Variants in NUP62 observed in about 807,000 individuals in gnomAD.
NUP62 encodes the protein nucleoporin 62, also known as nuclear pore glycoprotein p62.
For synonymous variants in NUP62, 305 were observed against 303.4 expected, an observed-to-expected ratio of 1.01 and a Z score of -0.05; for missense variants, 647 against 689.4, an observed-to-expected ratio of 0.94 and a Z score of 0.69.
intron 2 of NUP62, among the ~76,000 whole-genome samples, chr19:49,914,862 C>T (rs541933412): frequency 3.3e-5 from 5 of 151,250 alleles, no homozygotes; most frequent in South Asian, 2.1e-4. Flanking sequence ...ACCTCAGCCT[C>T]CCGAGTAGCT....
At chr19:49,919,040 C>A (rs2075699167) in intron 2 of NUP62, among the ~76,000 whole-genome samples, 1 of 152,038 alleles carries the variant, frequency 6.6e-6, no homozygotes, top group Non-Finnish European at 1.5e-5. Context: ...GTAATCCCAG[C>A]TACTCGGGAG....
At position 49,921,966 on chromosome 19, in the gene NUP62, C is replaced by T. The variant is rs1026735639; in HGVS notation, c.-78+5728G>A. On this transcript the variant is annotated intron_variant, in intron 2 of 2. Coordinates refer to ENST00000352066, the MANE Select transcript of NUP62 (RefSeq NM_016553.5). This position sits in a 1 kb window ranked among gnomAD's most constrained non-coding sequence, Gnocchi z 5.4. Reference sequence around the variant, plus strand: ...TGCTGCGAGAAAGCAGCCCCGACGGCAGGGCCCTAGGGCCCCAGGCCAGGC... The same window carrying T: ...TGCTGCGAGAAAGCAGCCCCGACGGTAGGGCCCTAGGGCCCCAGGCCAGGC... 3.9e-5 allele frequency among the ~76,000 whole-genome samples: 6 copies of T among 152,202 alleles called. No individual in the cohort carries two copies. Among genetic ancestry groups the T allele is most frequent in the Admixed American group, 6.5e-5 (1 of 15,290 alleles).
rs562135513 is a variant in NUP62 at position 49,915,094 on chromosome 19, C to T, written c.-77-5210G>A. ...AGGAGTCTGTGCCTGGGAAAGAATA[C>T]AGGAGACCTCAGCTTTGGACCAAAA... On this transcript the variant is annotated intron_variant, in intron 2 of 2. Transcript: ENST00000352066. 1.3e-3 allele frequency among the ~76,000 whole-genome samples: 198 copies of T among 152,036 alleles called. 1 individual carries two copies. Among genetic ancestry groups the T allele is most frequent in the African/African-American group, 4.6e-3 (189 of 41,448 alleles).
In NUP62 at chr19:49,921,584, G is replaced by T. The variant is rs1184234946; in HGVS notation, c.-78+6110C>A. Reference sequence around the variant, plus strand: ...ACGTTCCTGCTCTGTGGTAGGTCAGGAAGAAGAGGGCAAAGGAGTCTGCAT... The same window carrying T: ...ACGTTCCTGCTCTGTGGTAGGTCAGTAAGAAGAGGGCAAAGGAGTCTGCAT... On this transcript the variant is annotated intron_variant, in intron 2 of 2. Transcript: ENST00000352066. The surrounding 1 kb of genome is among the most constrained non-coding windows in gnomAD (Gnocchi z 5.4). Among the ~76,000 whole-genome samples the T allele has an allele frequency of 6.6e-6, 1 of 152,226 alleles. No homozygotes were observed. Among genetic ancestry groups the T allele is most frequent in the Non-Finnish European group, 1.5e-5 (1 of 68,040 alleles).
In NUP62 at chr19:49,908,150, T is replaced by C. The variant is rs2075364759; in HGVS notation, c.*89A>G. 6 of 1,548,184 alleles carry C rather than the reference T, an allele frequency of 3.9e-6. No individual in the cohort carries two copies. In the Admixed American group the frequency reaches 1.2e-4, roughly 30 times the overall value. On this transcript the variant is annotated 3_prime_UTR_variant, in exon 3 of 3. Transcript: ENST00000352066. The stretch of plus-strand genomic sequence containing the variant: ...TGAAAGAAAGAAACAAACAAACAAG[T>C]ATCTTGCCACAACCCCAAACTACAG...
chr19:49,926,326 T>A (rs1358500070), intron 2 of NUP62, among the ~76,000 whole-genome samples: 2 of 151,686 alleles, frequency 1.3e-5, no homozygotes, highest in Non-Finnish European at 2.9e-5. Context: ...AGTCAGGAGT[T>A]CAAGACCAGC....
At chr19:49,919,131 C>T (rs1165004316) in intron 2 of NUP62, among the ~76,000 whole-genome samples, 1 of 152,226 alleles carries the variant, frequency 6.6e-6, no homozygotes, top group South Asian at 2.1e-4. Context: ...CCAGCCTGGG[C>T]AACAAGAGTG....
chr19:49,908,282 C>T lies in NUP62; in HGVS notation c.1526G>A (p.Arg509Gln), dbSNP rs1180723639. ...GAAGCTGCGCTCCTGCTCCTTGCGCCGGCCCTCGCACACCTTGGTCACCTC... is the reference window on the plus strand; with the variant it reads ...GAAGCTGCGCTCCTGCTCCTTGCGCTGGCCCTCGCACACCTTGGTCACCTC... ...VEEVTKVCEG[R>Q]RKEQERSFRI... Residue 509 changes from arginine to glutamine, a missense_variant, in exon 3 of 3, where the codon CGG becomes CAG. Coordinates refer to ENST00000352066, the MANE Select transcript of NUP62 (RefSeq NM_016553.5). 10 of 1,613,718 alleles carry T rather than the reference C, an allele frequency of 6.2e-6. No individual in the cohort carries two copies. The highest frequency in any genetic ancestry group is 1.6e-4 in the Middle Eastern group (1 of 6,084).
intron 1 of NUP62, chr19:49,929,036 TCC>T (rs2075989447): frequency 6.6e-6 from 1 of 151,578 alleles, no homozygotes; most frequent in Admixed American, 6.6e-5. Context: ...GGGAGGAGGG[TCC>T]CGGACCCTAG....
intron 2 of NUP62, among the ~76,000 whole-genome samples, chr19:49,919,943 T>G (rs77953462): frequency 5.3e-5 from 8 of 152,302 alleles, no homozygotes; most frequent in African/African-American, 1.9e-4. Context: ...TTTTTTTTTT[T>G]CTAAGACAAG....
chr19:49,909,241 G>A lies in NUP62; in HGVS notation c.567C>T (p.Pro189=), dbSNP rs1046391948. Reference sequence around the variant, plus strand: ...TGGCTGCTGGCGTGGCCGGAGTGAAGGGCAACGTGGCAGGTGCCGTGGGCT... The same window carrying A: ...TGGCTGCTGGCGTGGCCGGAGTGAAAGGCAACGTGGCAGGTGCCGTGGGCT... ...SAQPTAPATL[P]FTPATPAATT... Residue 189 remains proline (P), a synonymous_variant, in exon 3 of 3, where the codon CCC becomes CCT. Coordinates refer to ENST00000352066, the MANE Select transcript of NUP62 (RefSeq NM_016553.5). 8 of 1,614,042 alleles carry A rather than the reference G, an allele frequency of 5.0e-6. No homozygotes were observed. The highest frequency in any genetic ancestry group is 5.1e-6 in the Non-Finnish European group (6 of 1,180,034).
chr19:49,916,599 A>G (rs1166158658), intron 2 of NUP62, among the ~76,000 whole-genome samples: 2 of 151,952 alleles, frequency 1.3e-5, no homozygotes, highest in Non-Finnish European at 2.9e-5. Flanking sequence ...GTCTGCACTA[A>G]AAATACAAAA....
chr19:49,923,835 T>C (rs1195770074), intron 2 of NUP62, among the ~76,000 whole-genome samples: 16 of 152,224 alleles, frequency 1.1e-4, no homozygotes, highest in African/African-American at 3.9e-4. Flanking sequence ...AGGCTGGCTC[T>C]AGGGCCCATG....
At position 49,909,116 on chromosome 19, in the gene NUP62, G is replaced by A. The variant is rs747223621; in HGVS notation, c.692C>T (p.Ser231Leu). 4.3e-6 allele frequency: 7 copies of A among 1,612,556 alleles called. No individual in the cohort carries two copies. Among genetic ancestry groups the A allele is most frequent in the African/African-American group, 1.3e-5 (1 of 75,060 alleles). Residue 231 changes from serine (S) to leucine (L), a missense_variant, in exon 3 of 3, where the codon TCA becomes TTA. Transcript: ENST00000352066. Reference sequence around the variant, plus strand: ...GAGGGAGAGTCCAGTGGTGGCAGATGAGGTTGGAGCAGTTGCTATTGACGC... The same window carrying A: ...GAGGGAGAGTCCAGTGGTGGCAGATAAGGTTGGAGCAGTTGCTATTGACGC... ...LFASIATAPT[S>L]SATTGLSLCT... is the part of the protein sequence containing the mutation.
At chr19:49,910,688 G>T (rs557556759) in intron 2 of NUP62, among the ~76,000 whole-genome samples, 493 of 149,362 alleles carry the variant, frequency 3.3e-3, no homozygotes, top group Middle Eastern at 0.014. Flanking sequence ...GGACATCACG[G>T]GAGACCATGA....
chr19:49,907,875 T>C lies in NUP62; in HGVS notation c.*364A>G, dbSNP rs9523. 130,907 of 374,388 alleles carry C rather than the reference T, an allele frequency of 0.35. 24,024 individuals carry two copies. The highest frequency in any genetic ancestry group is 0.4 in the East Asian group (5,840 of 14,514). The allele number at this position is 374,388 out of a possible 1,614,324, so 23.2% of individuals were successfully genotyped here. A position where few individuals can be genotyped will look rare whatever the true frequency, so the allele number is the denominator to read the frequency against. On this transcript the variant is annotated 3_prime_UTR_variant, in exon 3 of 3. Transcript: ENST00000352066. ...ACATTTGGTATTTTTTCATGACACC[T>C]ATGACTATGCTTTGGAGAGAGTGGC...
chr19:49,908,015 A>AAAGCCACAG lies in NUP62; in HGVS notation c.*215_*223dup, dbSNP rs1467537130. The stretch of plus-strand genomic sequence containing the variant: ...AAAAGGGGCCAAAGATACTCAAATG[A>AAAGCCACAG]AAGCCACAGAAGCCACACCCATGAG... On this transcript the variant is annotated 3_prime_UTR_variant, in exon 3 of 3. Transcript: ENST00000352066. 3.3e-6 allele frequency: 3 copies of AAAGCCACAG among 914,904 alleles called. No homozygotes were observed. Among genetic ancestry groups the AAAGCCACAG allele is most frequent in the Non-Finnish European group, 4.8e-6 (3 of 629,002 alleles). The allele number at this position is 914,904 out of a possible 1,614,324, so 56.7% of individuals were successfully genotyped here. A position where few individuals can be genotyped will look rare whatever the true frequency, so the allele number is the denominator to read the frequency against.
chr19:49,919,706 C>T (rs1180890317), intron 2 of NUP62, among the ~76,000 whole-genome samples: 4 of 152,142 alleles, frequency 2.6e-5, no homozygotes, highest in African/African-American at 9.7e-5. Flanking sequence ...CAATTTTCCC[C>T]ACAGGAAAAA....
In NUP62 at chr19:49,908,760, G is replaced by A. The variant is rs1286731286; in HGVS notation, c.1048C>T (p.His350Tyr). 8 of 1,613,640 alleles carry A rather than the reference G, an allele frequency of 5.0e-6. No individual in the cohort carries two copies. The highest frequency in any genetic ancestry group is 2.2e-5 in the South Asian group (2 of 91,084). ...WSLELEDQER[H>Y]FLQQATQVNA... ...ACCTGGGTGGCCTGCTGGAGGAAGT[G>A]CCGCTCCTGGTCCTCTAGCTCCAGG... Residue 350 changes from histidine (H) to tyrosine (Y), a missense_variant, in exon 3 of 3, where the codon CAC becomes TAC. His to Tyr is a moderately conservative substitution (Grantham distance 83). Coordinates refer to ENST00000352066, the MANE Select transcript of NUP62 (RefSeq NM_016553.5).
Sources: gnomAD v4.1 joint callset for allele counts (sites outside exome capture counted in the v4.1 genomes callset) on GRCh38, gnomAD v4.1.1 for gene constraint, Gnocchi (gnomAD v3.1) non-coding constraint, MANE v1.5 for transcripts, NCBI Gene and HGNC (gene_info 2026-07-23, HGNC 2026-07-21) for gene names.